The following WAPL variants were observed in gnomAD, a reference collection of about 807,000 sequenced individuals.
WAPL encodes wings apart-like protein homolog.
Under a neutral mutation model 121.0 loss-of-function variants are expected in WAPL, and 5 were observed. That is an observed-to-expected ratio of 0.04 (90% CI 0.02 to 0.09). The LOEUF (loss-of-function observed/expected upper bound fraction) is 0.09, where lower values mean the gene tolerates loss of function less well. WAPL is among the 10% of genes least tolerant of loss of function. The pLI is 1.00. For synonymous variants in WAPL, 480 were observed against 481.5 expected (o/e 1.00, Z 0.04); for missense variants, 999 against 1,410.8 (o/e 0.71, Z 4.68).
intron 9 of WAPL, among the ~76,000 whole-genome samples, chr10:86,464,031 T>G (rs1301110991): frequency 1.3e-5 from 2 of 152,236 alleles, no homozygotes; most frequent in Non-Finnish European, 2.9e-5. Context: ...TTAGAGCATA[T>G]CTGTCATGAA....
Position 86,467,450 on chromosome 10 carries a change from G to C in WAPL, c.2199C>G (p.Asn733Lys). 1.2e-6 allele frequency: 2 copies of C among 1,613,868 alleles called. No individual in the cohort carries two copies. Among genetic ancestry groups the C allele is most frequent in the Non-Finnish European group, 1.7e-6 (2 of 1,179,980 alleles). ...LMYILSRDRL[N>K]MDLDRASLDL... Reference sequence around the variant, plus strand: ...CTAAGCTAGCTCTATCAAGATCCATGTTCAAACGATCTCTACTCAGTATAT... The same window carrying C: ...CTAAGCTAGCTCTATCAAGATCCATCTTCAAACGATCTCTACTCAGTATAT... The change falls in exon 9 of 19, where the codon AAC (asparagine) becomes AAG (lysine). Residue 733 changes from asparagine to lysine, a missense_variant. Transcript: ENST00000298767.
rs1249201508 is a variant in WAPL at position 86,435,869 on chromosome 10, TA to T, written c.*1673del. On this transcript the variant is annotated 3_prime_UTR_variant, in exon 19 of 19. Transcript: ENST00000298767. ...TATCAATGTATTTTGCATTTTAAAA[TA>T]AAATATAACTAATTTAATTTTACGG... is the stretch of plus-strand genomic sequence containing the variant. 1 of 152,192 alleles carries T rather than the reference TA, an allele frequency of 6.6e-6. No homozygotes were observed. The highest frequency in any genetic ancestry group is 1.5e-5 in the Non-Finnish European group (1 of 68,020). 9.4% of individuals were successfully genotyped at this position (152,192 alleles called of 1,614,324 possible).
At chr10:86,468,809 A>T (rs117785558) in intron 8 of WAPL, among the ~76,000 whole-genome samples, 1 of 151,890 alleles carries the variant, frequency 6.6e-6, no homozygotes, top group Admixed American at 6.6e-5. Flanking sequence ...TTAAAAATAC[A>T]AAAAAATTAG....
At chr10:86,483,119 A>T (rs543433592) in intron 4 of WAPL, among the ~76,000 whole-genome samples, 2 of 152,172 alleles carry the variant, frequency 1.3e-5, no homozygotes, top group African/African-American at 4.8e-5. Flanking sequence ...TGCCAGTCCT[A>T]TAAGGGTACA....
chr10:86,474,192 A>G (rs918253299), intron 4 of WAPL, among the ~76,000 whole-genome samples: 2 of 152,132 alleles, frequency 1.3e-5, no homozygotes, highest in African/African-American at 4.8e-5. Context: ...CTGTGCAACT[A>G]TGACTAACCA....
At position 86,517,976 on chromosome 10, in the gene WAPL, T is replaced by C; in HGVS notation, c.94A>G (p.Ser32Gly). The C allele has an allele frequency of 6.2e-7, 1 of 1,614,238 alleles. No individual in the cohort carries two copies. The highest frequency in any genetic ancestry group is 2.2e-5 in the East Asian group (1 of 44,876). The change falls in exon 2 of 19, where the codon AGC becomes GGC. Residue 32 changes from serine (S) to glycine (G), a missense_variant. Physicochemically the swap from Ser to Gly is moderately conservative, Grantham distance 56. This residue lies in a region of WAPL where 30 missense variants were observed against 56.4 expected (regional missense o/e 0.53). Transcript: ENST00000298767. ...EVFSNKRTTL[S>G]TKWGETTFMA... ...AATGTGGTCTCTCCCCATTTTGTGC[T>C]AAGGGTAGTCCGTTTGTTGGAAAAG...
chr10:86,449,764 TAAAA>T (rs1477887872), intron 15 of WAPL, among the ~76,000 whole-genome samples: 1 of 152,002 alleles, frequency 6.6e-6, no homozygotes, highest in Non-Finnish European at 1.5e-5. Flanking sequence ...AGTCAATTTT[TAAAA>T]GAAAGAGACT....
intron 14 of WAPL, among the ~76,000 whole-genome samples, chr10:86,452,431 A>T (rs1841005186): frequency 6.6e-6 from 1 of 152,056 alleles, no homozygotes; most frequent in African/African-American, 2.4e-5. Flanking sequence ...ATCTCTACTA[A>T]AAATACAAAA....
chr10:86,444,089 C>T (rs1589490379), intron 16 of WAPL: 1 of 152,214 alleles, frequency 6.6e-6, no homozygotes. Flanking sequence ...ACAAGATACA[C>T]AAATGGCCAA....
At chr10:86,453,864 T>A (rs1253937267) in intron 12 of WAPL, 33 bp from the exon 13 acceptor site, 1 of 1,425,694 alleles carries the variant, frequency 7.0e-7, no homozygotes, top group East Asian at 2.7e-5. Context: ...ACTATTATAG[T>A]AAATAATAAT....
chr10:86,495,397 G>C (rs144238505), intron 4 of WAPL, among the ~76,000 whole-genome samples: 1 of 151,982 alleles, frequency 6.6e-6, no homozygotes, highest in African/African-American at 2.4e-5. Flanking sequence ...GCCCGAGGAC[G>C]TCAAGGCTGC....
chr10:86,440,882 G>GAAAA (rs10661246), intron 17 of WAPL, among the ~76,000 whole-genome samples: 3 of 130,524 alleles, frequency 2.3e-5, no homozygotes, highest in Admixed American at 7.9e-5. Flanking sequence ...TACACAAAGT[G>GAAAA]AAAAAAAAAA....
chr10:86,492,934 G>A (rs535623884), intron 4 of WAPL, among the ~76,000 whole-genome samples: 5 of 152,064 alleles, frequency 3.3e-5, no homozygotes, highest in South Asian at 2.1e-4. Context: ...GGTGGTGGGC[G>A]CCTATAGTCC....
At chr10:86,493,124 TAA>T (rs1341187546) in intron 4 of WAPL, among the ~76,000 whole-genome samples, 1 of 150,726 alleles carries the variant, frequency 6.6e-6, no homozygotes, top group Non-Finnish European at 1.5e-5. Context: ...TGTTCAAAAC[TAA>T]GAGAGACATA....
intron 4 of WAPL, among the ~76,000 whole-genome samples, chr10:86,486,644 C>A (rs1216136888): frequency 1.3e-5 from 2 of 152,148 alleles, no homozygotes; most frequent in Middle Eastern, 6.3e-3. Context: ...TAGCTTTAAA[C>A]CACAGGGGAA....
At chr10:86,449,461 A>G (rs889400877) in intron 15 of WAPL, among the ~76,000 whole-genome samples, 1 of 152,278 alleles carries the variant, frequency 6.6e-6, no homozygotes, top group Non-Finnish European at 1.5e-5. Flanking sequence ...CAGATAAAAG[A>G]AAGACAGAGA....
At chr10:86,484,118 TAC>T (rs1841871987) in intron 4 of WAPL, among the ~76,000 whole-genome samples, 2 of 152,218 alleles carry the variant, frequency 1.3e-5, no homozygotes, top group South Asian at 2.1e-4. Flanking sequence ...TGTACAGTAG[TAC>T]AGTGTGTTTG....
intron 9 of WAPL, among the ~76,000 whole-genome samples, chr10:86,465,596 T>C (rs1192385990): frequency 1.3e-5 from 2 of 152,214 alleles, no homozygotes; most frequent in Non-Finnish European, 2.9e-5. Flanking sequence ...TTACTGTATA[T>C]CCTGCCCTTA....
chr10:86,483,794 C>CTTTTTTTT (rs35725128), intron 4 of WAPL, among the ~76,000 whole-genome samples: 1 of 69,174 alleles, frequency 1.4e-5, no homozygotes, highest in Non-Finnish European at 2.5e-5. Flanking sequence ...ATTTTTTTTT[C>CTTTTTTTT]TTTTTTTTTT....
Sources: allele counts gnomAD v4.1 joint callset (sites outside exome capture counted in the v4.1 genomes callset), GRCh38; gene constraint gnomAD v4.1.1; regional missense constraint gnomAD v4.1.1; transcripts MANE v1.5; gene names NCBI Gene and HGNC (gene_info 2026-07-23, HGNC 2026-07-21).